The following CDKAL1 variants were observed in gnomAD, a reference collection of about 807,000 sequenced individuals.
CDKAL1 encodes CDKAL1 threonylcarbamoyladenosine tRNA methylthiotransferase.
In CDKAL1, 32 loss-of-function variants were observed where a neutral mutation model predicts 68.2. That is an observed-to-expected ratio of 0.47 (90% CI 0.35 to 0.63). CDKAL1 has a LOEUF of 0.63. Among genes scored for constraint, CDKAL1 ranks in the 30% least tolerant of loss-of-function variants. The pLI is 0.00. For synonymous variants in CDKAL1, 234 were observed against 244.3 expected, an observed-to-expected ratio of 0.96 and a Z score of 0.39; for missense variants, 606 against 696.7, an observed-to-expected ratio of 0.87 and a Z score of 1.47.
chr6:20,688,401 A>C (rs1303608474), intron 5 of CDKAL1, among the ~76,000 whole-genome samples: 1 of 151,672 alleles, frequency 6.6e-6, no homozygotes, highest in African/African-American at 2.4e-5. Flanking sequence ...ATTGTTCTTG[A>C]ATATTCTGTT....
chr6:20,991,165 CT>C (rs1766770685), intron 10 of CDKAL1, among the ~76,000 whole-genome samples: 1 of 152,130 alleles, frequency 6.6e-6, no homozygotes, highest in South Asian at 2.1e-4. Context: ...AAGCATTATG[CT>C]GAGTGAAATA....
At chr6:21,199,011 G>A (rs1191663856) in intron 14 of CDKAL1, among the ~76,000 whole-genome samples, 13 of 152,228 alleles carry the variant, frequency 8.5e-5, no homozygotes, top group Non-Finnish European at 5.9e-5. Context: ...TGTCATGGGC[G>A]TACGGAGATT....
chr6:20,767,741 T>A (rs541160333), intron 7 of CDKAL1, among the ~76,000 whole-genome samples: 5 of 152,360 alleles, frequency 3.3e-5, no homozygotes, highest in Admixed American at 1.3e-4. Flanking sequence ...TTTAATCGAT[T>A]TGAACATTTA....
rs115887393 is a variant in CDKAL1, at chr6:20,968,381, A to G, written c.909+12796A>G. Reference sequence around the variant, plus strand: ...ACTGTGTTTTCCAGGTTGGTCTTGAATAACTGGGCTCAAGTGATCCTCCCG... The same window carrying G: ...ACTGTGTTTTCCAGGTTGGTCTTGAGTAACTGGGCTCAAGTGATCCTCCCG... On this transcript the variant is annotated intron_variant, in intron 10 of 15. Transcript: ENST00000274695. Among the ~76,000 whole-genome samples the G allele has an allele frequency of 4.1e-3, 618 of 152,076 alleles. 6 individuals carry two copies. Among genetic ancestry groups the G allele is most frequent in the African/African-American group, 0.014 (562 of 41,498 alleles).
chr6:20,762,236 G>A (rs898766659), intron 7 of CDKAL1, among the ~76,000 whole-genome samples: 3 of 152,174 alleles, frequency 2.0e-5, no homozygotes, highest in Non-Finnish European at 4.4e-5. Flanking sequence ...GATGAGCGTG[G>A]ACTTGAGTGG....
At chr6:20,872,102 A>G (rs1760251859) in intron 9 of CDKAL1, among the ~76,000 whole-genome samples, 1 of 152,164 alleles carries the variant, frequency 6.6e-6, no homozygotes, top group South Asian at 2.1e-4. Context: ...TATAGAAGGG[A>G]GTAGCCACAC....
At chr6:20,766,539 C>A in intron 7 of CDKAL1, among the ~76,000 whole-genome samples, 1 of 152,158 alleles carries the variant, frequency 6.6e-6, no homozygotes, top group East Asian at 1.9e-4. Flanking sequence ...TTAACGAGGA[C>A]TTGCCTACTC....
chr6:21,071,986 A>G (rs961575483), intron 12 of CDKAL1, among the ~76,000 whole-genome samples: 2 of 152,214 alleles, frequency 1.3e-5, no homozygotes, highest in Non-Finnish European at 2.9e-5. Context: ...CCAATGTTAC[A>G]TCACTGAAGA....
chr6:20,748,278 C>T (rs928329380), intron 6 of CDKAL1, among the ~76,000 whole-genome samples: 2 of 151,708 alleles, frequency 1.3e-5, no homozygotes, highest in African/African-American at 2.4e-5. Context: ...CTCTTGAGGC[C>T]GAGAATTTGA....
At chr6:21,062,629 C>T (rs1024918352) in intron 11 of CDKAL1, among the ~76,000 whole-genome samples, 2 of 152,094 alleles carry the variant, frequency 1.3e-5, no homozygotes, top group African/African-American at 2.4e-5. Context: ...TGGAATTTAT[C>T]TTACTAACTA....
chr6:20,597,894 G>T (rs1389337832), intron 4 of CDKAL1, among the ~76,000 whole-genome samples: 1 of 152,184 alleles, frequency 6.6e-6, no homozygotes, highest in Non-Finnish European at 1.5e-5. Flanking sequence ...CTTTAGACAC[G>T]ATTGAAATAA....
intron 8 of CDKAL1, among the ~76,000 whole-genome samples, chr6:20,808,524 G>A (rs1350403089): frequency 6.6e-6 from 1 of 152,120 alleles, no homozygotes; most frequent in Non-Finnish European, 1.5e-5. Context: ...CCTGGCTGGA[G>A]CATTATAGCA....
At chr6:20,752,881 T>TTCAGG (rs1314666891) in intron 6 of CDKAL1, among the ~76,000 whole-genome samples, 25 of 152,198 alleles carry the variant, frequency 1.6e-4, no homozygotes, top group Non-Finnish European at 2.9e-4. Context: ...CATAGTAGCA[T>TTCAGG]TCAGGTCAGG....
chr6:20,858,315 C>A (rs1056575306), intron 9 of CDKAL1, among the ~76,000 whole-genome samples: 1 of 147,908 alleles, frequency 6.8e-6, no homozygotes, highest in African/African-American at 2.4e-5. Context: ...TCTTTTTATT[C>A]TGTATTGACT....
chr6:20,754,404 T>C (rs1774078185), intron 6 of CDKAL1, among the ~76,000 whole-genome samples: 1 of 152,216 alleles, frequency 6.6e-6, no homozygotes, highest in East Asian at 1.9e-4. Flanking sequence ...TTAACTGATG[T>C]GGAGTACATT....
At chr6:20,645,460 A>G (rs11965473) in intron 4 of CDKAL1, among the ~76,000 whole-genome samples, 35,684 of 151,982 alleles carry the variant, frequency 0.23, 4,582 homozygotes, top group African/African-American at 0.31. Flanking sequence ...GGCCAGGCGC[A>G]GTGGCTCACA....
intron 13 of CDKAL1, among the ~76,000 whole-genome samples, chr6:21,175,365 G>A (rs745512423): frequency 7.2e-5 from 11 of 152,094 alleles, no homozygotes; most frequent in Non-Finnish European, 1.6e-4. Context: ...AGAATTACAA[G>A]TCTATTCATT....
intron 4 of CDKAL1, among the ~76,000 whole-genome samples, chr6:20,637,148 C>T (rs1373357659): frequency 2.0e-5 from 3 of 151,984 alleles, no homozygotes; most frequent in Admixed American, 6.6e-5. Context: ...TTTAGGGACA[C>T]GGTGGGTAGT....
intron 5 of CDKAL1, among the ~76,000 whole-genome samples, chr6:20,729,824 A>G (rs570249101): frequency 3.3e-5 from 5 of 152,072 alleles, no homozygotes; most frequent in African/African-American, 7.2e-5. Context: ...TTTTGTGCCT[A>G]TGCCGTGATT....
Sources: gnomAD v4.1 joint callset for allele counts (sites outside exome capture counted in the v4.1 genomes callset) on GRCh38, gnomAD v4.1.1 for gene constraint, MANE v1.5 for transcripts, NCBI Gene and HGNC (gene_info 2026-07-23, HGNC 2026-07-21) for gene names.